FAM81B: variants seen among roughly 807,000 people sequenced by gnomAD.
FAM81B encodes the protein family with sequence similarity 81 member B.
Under a neutral mutation model 58.7 loss-of-function variants are expected in FAM81B, and 60 were observed. That is an observed-to-expected ratio of 1.02 (90% CI 0.83 to 1.27). The LOEUF (loss-of-function observed/expected upper bound fraction) is 1.27, where lower values mean the gene tolerates loss of function less well. Ranked by LOEUF, FAM81B falls within the 50% of genes most tolerant of loss-of-function variation. The pLI, the probability that FAM81B is intolerant of heterozygous loss-of-function variation, is 0.00. For synonymous variants in FAM81B, 189 were observed against 179.6 expected (o/e 1.05, Z -0.42); for missense variants, 491 against 522.0 (o/e 0.94, Z 0.58).
intron 2 of FAM81B, among the ~76,000 whole-genome samples, chr5:95,393,975 T>C (rs1006424485): frequency 3.9e-5 from 6 of 152,188 alleles, no homozygotes; most frequent in Non-Finnish European, 8.8e-5. Context: ...AACTGACTCT[T>C]ATGTTCAATT....
At chr5:95,424,941 G>T (rs1163485914) in intron 5 of FAM81B, among the ~76,000 whole-genome samples, 2 of 152,046 alleles carry the variant, frequency 1.3e-5, no homozygotes, top group Non-Finnish European at 2.9e-5. Context: ...GAAAGAAAAA[G>T]TCAAGATACT....
At chr5:95,448,127 T>C (rs1388260596) in intron 8 of FAM81B, 142 bp from the exon 9 acceptor site, 6 of 732,020 alleles carry the variant, frequency 8.2e-6, no homozygotes, top group Non-Finnish European at 1.3e-5. Flanking sequence ...CTTATACTTA[T>C]GAACACAGTT....
At chr5:95,448,219 G>C (rs745990952) in intron 8 of FAM81B, 50 bp from the exon 9 acceptor site, 2 of 1,497,952 alleles carry the variant, frequency 1.3e-6, no homozygotes, top group South Asian at 2.5e-5. Flanking sequence ...TAAGCTGAAA[G>C]ATAAATCCAT....
chr5:95,392,724 A>C (rs1159718125), intron 1 of FAM81B, 70 bp from the exon 2 acceptor site: 1 of 1,357,258 alleles, frequency 7.4e-7, no homozygotes, highest in African/African-American at 1.5e-5. Flanking sequence ...TCAATTAAAA[A>C]AAAATTAGCA....
At chr5:95,446,940 GTT>G (rs764169970) in intron 8 of FAM81B, among the ~76,000 whole-genome samples, 19,193 of 141,974 alleles carry the variant, frequency 0.14, 1,694 homozygotes, top group African/African-American at 0.25. Context: ...ATCTGAAGAG[GTT>G]TTTTTTTTTA....
chr5:95,425,145 G>A (rs1173144835), intron 5 of FAM81B, among the ~76,000 whole-genome samples: 2 of 148,958 alleles, frequency 1.3e-5, no homozygotes, highest in Non-Finnish European at 3.0e-5. Flanking sequence ...CTAATAGAAG[G>A]CCCTGAAGAA....
chr5:95,411,484 C>T (rs1762403707), intron 3 of FAM81B, among the ~76,000 whole-genome samples: 1 of 152,120 alleles, frequency 6.6e-6, no homozygotes, highest in Admixed American at 6.5e-5. Context: ...TACAGGTATA[C>T]TAACAACAGT....
At chr5:95,416,004 G>T (rs1170485876) in intron 4 of FAM81B, among the ~76,000 whole-genome samples, 1 of 152,024 alleles carries the variant, frequency 6.6e-6, no homozygotes, top group Non-Finnish European at 1.5e-5. Context: ...TTTTCCAAAA[G>T]ACAAAGACAA....
chr5:95,424,448 T>TA (rs201540055), intron 5 of FAM81B, among the ~76,000 whole-genome samples: 19,023 of 134,400 alleles, frequency 0.14, 1,370 homozygotes, highest in East Asian at 0.33. Context: ...ACAAAGAATT[T>TA]AAAAAAAAAA....
chr5:95,443,302 G>A (rs1745437878), intron 7 of FAM81B, among the ~76,000 whole-genome samples: 1 of 151,792 alleles, frequency 6.6e-6, no homozygotes, highest in African/African-American at 2.4e-5. Flanking sequence ...CCTTATAATT[G>A]CTCTCGGTGT....
intron 3 of FAM81B, chr5:95,396,752 A>C (rs1279902849): frequency 2.0e-5 from 3 of 152,268 alleles, no homozygotes; most frequent in Admixed American, 1.3e-4. Context: ...AAGGCAATGC[A>C]TATTAATTTG....
At chr5:95,400,843 G>C (rs866802079) in intron 3 of FAM81B, among the ~76,000 whole-genome samples, 9 of 152,070 alleles carry the variant, frequency 5.9e-5, no homozygotes, top group African/African-American at 2.2e-4. Context: ...GTTAGCTTGT[G>C]ACAGAGATAG....
intron 7 of FAM81B, among the ~76,000 whole-genome samples, chr5:95,445,897 C>T (rs1011232861): frequency 1.3e-5 from 2 of 152,212 alleles, no homozygotes; most frequent in Non-Finnish European, 2.9e-5. Flanking sequence ...CTCCCAGCCA[C>T]ATACCGGCAC....
intron 4 of FAM81B, among the ~76,000 whole-genome samples, chr5:95,414,702 T>C (rs1051545803): frequency 6.6e-6 from 1 of 152,206 alleles, no homozygotes; most frequent in African/African-American, 2.4e-5. Context: ...TAATTCACTC[T>C]GGCTGGATCA....
At chr5:95,416,337 T>A (rs529723119) in intron 4 of FAM81B, among the ~76,000 whole-genome samples, 122 of 152,126 alleles carry the variant, frequency 8.0e-4, no homozygotes, top group Non-Finnish European at 1.2e-3. Context: ...GAAAAAAAAA[T>A]TTTTTTAATC....
intron 7 of FAM81B, among the ~76,000 whole-genome samples, chr5:95,442,117 C>T (rs1745380817): frequency 6.6e-6 from 1 of 152,182 alleles, no homozygotes; most frequent in Admixed American, 6.5e-5. Context: ...TCAAATTCAA[C>T]TTTGTATCTT....
At chr5:95,440,025 A>T in intron 7 of FAM81B, 2 of 384,220 alleles carry the variant, frequency 5.2e-6, no homozygotes, top group Non-Finnish European at 1.0e-5. Context: ...TCTCTAAAAA[A>T]GTCTTTTAAC....
intron 2 of FAM81B, among the ~76,000 whole-genome samples, chr5:95,393,453 A>T (rs1299716027): frequency 1.5e-5 from 2 of 136,856 alleles, no homozygotes; most frequent in Non-Finnish European, 3.1e-5. Context: ...TAGCTGTGGG[A>T]CTTTGGAATG....
chr5:95,419,209 C>T (rs748852262), intron 4 of FAM81B, among the ~76,000 whole-genome samples: 7 of 152,276 alleles, frequency 4.6e-5, no homozygotes, highest in South Asian at 2.1e-4. Flanking sequence ...TGGGTTGTCT[C>T]AATCCCAGTT....
Sources: gnomAD v4.1 joint callset for allele counts (sites outside exome capture counted in the v4.1 genomes callset) on GRCh38, gnomAD v4.1.1 for gene constraint, MANE v1.5 for transcripts, NCBI Gene and HGNC (gene_info 2026-07-23, HGNC 2026-07-21) for gene names.